MYH11: variants seen among roughly 807,000 people sequenced by gnomAD.
The protein encoded by MYH11 is myosin heavy chain 11, also known as myosin-11.
MYH11 carries 80 observed loss-of-function variants against 246.6 expected under a neutral mutation model. The ratio of observed to expected loss-of-function variants is 0.32; its 90% confidence interval spans 0.27 to 0.39. The LOEUF is 0.39. Among genes scored for constraint, MYH11 ranks in the 10% least tolerant of loss-of-function variants. The probability of loss-of-function intolerance (pLI) is 1.00; values close to 1 mark genes in which losing one functional copy is unlikely to be tolerated. For synonymous variants in MYH11, 1,071 were observed against 1,015.5 expected (o/e 1.05, Z -1.04); for missense variants, 2,158 against 2,546.8 (o/e 0.85, Z 3.29).
chr16:15,797,554 A>AT (rs1567182230), intron 4 of MYH11, among the ~76,000 whole-genome samples: 23 of 147,464 alleles, frequency 1.6e-4, no homozygotes, highest in African/African-American at 5.0e-4. Context: ...TATATATATA[A>AT]ATATAAATAT....
intron 11 of MYH11, 58 bp from the exon 12 acceptor site, chr16:15,759,786 G>A: frequency 1.2e-6 from 2 of 1,603,528 alleles, no homozygotes; most frequent in Non-Finnish European, 1.7e-6. Context: ...TTTCACATAA[G>A]CCAGGCTGGT....
rs1330137634 is a variant in MYH11, at chr16:15,706,039, G to A, written c.5787-1916C>T. The stretch of plus-strand genomic sequence containing the variant: ...CAGAGATTCATGATCACTGAGAAGA[G>A]GAATTCGCAAATGACCCTTTTGTTG... On this transcript the variant is annotated intron_variant, in intron 40 of 40. Transcript: ENST00000300036. Among the ~76,000 whole-genome samples the A allele has an allele frequency of 2.0e-5, 3 of 148,804 alleles. No individual in the cohort carries two copies. The East Asian group carries it at 5.9e-4, about 29-fold the overall frequency.
chr16:15,819,421 G>A (rs535305561), intron 3 of MYH11, among the ~76,000 whole-genome samples: 1 of 152,264 alleles, frequency 6.6e-6, no homozygotes, highest in South Asian at 2.1e-4. Context: ...TGTATTTACA[G>A]CCACTCCCTA....
intron 10 of MYH11, among the ~76,000 whole-genome samples, chr16:15,762,854 G>T (rs1302643658): frequency 6.6e-6 from 1 of 152,194 alleles, no homozygotes; most frequent in Non-Finnish European, 1.5e-5. Flanking sequence ...GTAAGCGGTT[G>T]CAACAGGTTT....
intron 14 of MYH11, 149 bp downstream of exon 14, chr16:15,756,192 C>A: frequency 1.2e-6 from 1 of 850,018 alleles, no homozygotes; most frequent in Non-Finnish European, 1.9e-6. Context: ...AGACAAATTA[C>A]GAATAGGACT....
chr16:15,741,712 G>A (rs1441673905), intron 21 of MYH11, 43 bp from the exon 22 acceptor site: 1 of 1,613,902 alleles, frequency 6.2e-7, no homozygotes, highest in African/African-American at 1.3e-5. Context: ...GCCCCACGGG[G>A]CCAAGTCCTG....
rs775737495 is a variant in MYH11 at position 15,719,575 on chromosome 16, G to T, written c.5082+10C>A. 3.7e-6 allele frequency: 6 copies of T among 1,614,008 alleles called. No individual in the cohort carries two copies. Among genetic ancestry groups the T allele is most frequent in the Non-Finnish European group, 4.2e-6 (5 of 1,180,036 alleles). On this transcript the variant is annotated intron_variant, in intron 35 of 40. Transcript: ENST00000300036. ...GCATCTGAGGCTCTCCTAGCAAGGC[G>T]AGGCTTTACCTCTTGTAGCTGCATG...
At chr16:15,784,624 G>A in intron 5 of MYH11, 3 of 1,546,176 alleles carry the variant, frequency 1.9e-6, no homozygotes, top group South Asian at 1.1e-5. Flanking sequence ...CTCGGTGGGT[G>A]CAAGAGGATC....
intron 10 of MYH11, 58 bp downstream of exon 10, chr16:15,763,738 A>AGGTGGGGGG: frequency 1.4e-6 from 1 of 717,694 alleles, no homozygotes; most frequent in Non-Finnish European, 2.6e-6. Flanking sequence ...GTTAAATGTC[A>AGGTGGGGGG]CCTCCCCCAC....
intron 4 of MYH11, chr16:15,792,799 G>T (rs1288286943): frequency 2.6e-5 from 4 of 151,798 alleles, no homozygotes; most frequent in Admixed American, 2.0e-4. Context: ...GTGCAGTCTT[G>T]GCTCAGTGCC....
intron 40 of MYH11, 55 bp from the exon 41 acceptor site, chr16:15,704,178 A>G (rs2039328855): frequency 6.2e-7 from 1 of 1,605,490 alleles, no homozygotes; most frequent in African/African-American, 1.3e-5. Flanking sequence ...TGGTTGGGAT[A>G]GATTTTTTAT....
In MYH11 at chr16:15,715,086, C is replaced by A. The variant is rs201028938; in HGVS notation, c.5614-5G>T. ...CCTGGCATTGCCTTTCTCTGCCTGTCGCGGAGAGTTGGAGGGGTGGTTAGG... is the reference window on the plus strand; with the variant it reads ...CCTGGCATTGCCTTTCTCTGCCTGTAGCGGAGAGTTGGAGGGGTGGTTAGG... On this transcript the variant is annotated splice_region_variant and splice_polypyrimidine_tract_variant and intron_variant, in intron 39 of 40. Transcript: ENST00000300036. The A allele has an allele frequency of 8.7e-6, 14 of 1,612,276 alleles. No homozygotes were observed. Among genetic ancestry groups the A allele is most frequent in the Middle Eastern group, 1.7e-4 (1 of 6,060 alleles).
chr16:15,707,364 C>A (rs1672906594), intron 40 of MYH11, among the ~76,000 whole-genome samples: 1 of 152,148 alleles, frequency 6.6e-6, no homozygotes, highest in Non-Finnish European at 1.5e-5. Context: ...TCAGCTTATC[C>A]AAGGCCTCGG....
In MYH11 at chr16:15,719,383, A is replaced by G. The variant is rs954910247; in HGVS notation, c.5083-75T>C. On this transcript the variant is annotated intron_variant, in intron 35 of 40. Coordinates refer to ENST00000300036, the MANE Select transcript of MYH11 (RefSeq NM_002474.3). ...CACCAAGAGTCCACCCTGACAACTC[A>G]GCCACCCTTGAAAGTACATGTTCTT... 5.2e-6 allele frequency: 8 copies of G among 1,534,534 alleles called. No homozygotes were observed. The Admixed American group carries it at 8.8e-5, about 17-fold the overall frequency.
chr16:15,718,578 A>C, intron 36 of MYH11, 140 bp from the exon 37 acceptor site: 2 of 1,281,462 alleles, frequency 1.6e-6, no homozygotes, highest in Non-Finnish European at 2.1e-6. Context: ...TAGAAGACTC[A>C]TCTGTAGTTA....
chr16:15,764,223 T>A (rs2041931807), intron 9 of MYH11, among the ~76,000 whole-genome samples: 1 of 152,182 alleles, frequency 6.6e-6, no homozygotes, highest in Non-Finnish European at 1.5e-5. Context: ...GTTAATGAGT[T>A]GCAACAAAGA....
At position 15,704,083 on chromosome 16, in the gene MYH11, C is replaced by T; in HGVS notation, c.5827G>A (p.Gly1943Arg). The change falls in exon 41 of 41, where the codon GGA becomes AGA. Residue 1943 changes from glycine to arginine, a missense_variant. Physicochemically the swap from Gly to Arg is moderately radical, Grantham distance 125 (BLOSUM62 -2). Transcript: ENST00000300036. ...GCATTTTCAATAACTCTACGTCCTC[C>T]AGACCTTCTAGAAGGAACGAAAGAG... ...ETSFVPSRRS[G>R]GRRVIENADG... 1.2e-6 allele frequency: 2 copies of T among 1,614,154 alleles called. No homozygotes were observed. The highest frequency in any genetic ancestry group is 1.7e-6 in the Non-Finnish European group (2 of 1,180,034).
chr16:15,827,022 A>AAAG (rs2043588971), intron 2 of MYH11, among the ~76,000 whole-genome samples: 1 of 145,396 alleles, frequency 6.9e-6, no homozygotes, highest in African/African-American at 2.7e-5. Context: ...AAAAAAAAAA[A>AAAG]GGAAACAGGA....
At chr16:15,718,629 G>A (rs911195137) in intron 36 of MYH11, 191 bp from the exon 37 acceptor site, 13 of 829,160 alleles carry the variant, frequency 1.6e-5, no homozygotes, top group African/African-American at 1.0e-4. Flanking sequence ...GGCCGGGTCC[G>A]TGTCAGCAAA....
Sources: allele counts gnomAD v4.1 joint callset (sites outside exome capture counted in the v4.1 genomes callset), GRCh38; gene constraint gnomAD v4.1.1; transcripts MANE v1.5; gene names NCBI Gene and HGNC (gene_info 2026-07-23, HGNC 2026-07-21).